DTNBP1: variants seen among roughly 807,000 people sequenced by gnomAD.
DTNBP1 encodes the protein dysbindin.
A neutral mutation model predicts 42.8 loss-of-function variants in DTNBP1; 35 were observed. The observed-to-expected ratio is 0.82, with a 90% CI of 0.63 to 1.09. The LOEUF (loss-of-function observed/expected upper bound fraction) is 1.09, where lower values mean the gene tolerates loss of function less well. Among genes scored for constraint, DTNBP1 ranks in the 50% least tolerant of loss-of-function variants. The pLI, the probability that DTNBP1 is intolerant of heterozygous loss-of-function variation, is 0.00. For missense variants in DTNBP1, 457 were observed against 424.2 expected, an observed-to-expected ratio of 1.08 and a Z score of -0.68; for synonymous variants, 171 against 162.2, an observed-to-expected ratio of 1.05 and a Z score of -0.41.
intron 8 of DTNBP1, 105 bp downstream of exon 8, chr6:15,533,133 CGG>C: frequency 4.5e-6 from 7 of 1,546,836 alleles, no homozygotes; most frequent in Non-Finnish European, 6.1e-6. Context: ...CATAACAGAA[CGG>C]AACTTCTGAG....
At chr6:15,543,076 T>C (rs945790638) in intron 7 of DTNBP1, among the ~76,000 whole-genome samples, 31 of 152,290 alleles carry the variant, frequency 2.0e-4, no homozygotes, top group Middle Eastern at 3.4e-3. Context: ...CATAAAAAAT[T>C]ATTTATTCCA....
chr6:15,601,567 G>A (rs1776728638), intron 6 of DTNBP1, among the ~76,000 whole-genome samples: 1 of 151,978 alleles, frequency 6.6e-6, no homozygotes, highest in Non-Finnish European at 1.5e-5. Context: ...TGACAATAAT[G>A]CACTTCTCTG....
At chr6:15,636,182 T>TG in intron 4 of DTNBP1, among the ~76,000 whole-genome samples, 1 of 81,126 alleles carries the variant, frequency 1.2e-5, no homozygotes. Flanking sequence ...TGAGACAGAG[T>TG]TTCTGTCACC....
At chr6:15,655,052 T>C (rs1245171012) in intron 1 of DTNBP1, among the ~76,000 whole-genome samples, 2 of 152,202 alleles carry the variant, frequency 1.3e-5, no homozygotes, top group Admixed American at 6.5e-5. Flanking sequence ...CTGAAAACTG[T>C]TGAATCTCAG....
chr6:15,603,637 T>C (rs558751893), intron 6 of DTNBP1, among the ~76,000 whole-genome samples: 1 of 152,366 alleles, frequency 6.6e-6, no homozygotes, highest in South Asian at 2.1e-4. Context: ...CTCTTGAGCT[T>C]TGTTTGTTAT....
At chr6:15,551,524 C>T (rs762732621) in intron 7 of DTNBP1, among the ~76,000 whole-genome samples, 3 of 152,156 alleles carry the variant, frequency 2.0e-5, no homozygotes, top group Non-Finnish European at 4.4e-5. Context: ...TTGCCTTGAC[C>T]CTTTGCTCAG....
chr6:15,523,593 C>T (rs146124716), intron 9 of DTNBP1: 1 of 1,278,324 alleles, frequency 7.8e-7, no homozygotes, highest in African/African-American at 1.6e-5. Context: ...TGCAGTAATT[C>T]AGAGACACCA....
At chr6:15,572,602 T>C (rs922852814) in intron 7 of DTNBP1, among the ~76,000 whole-genome samples, 1 of 152,222 alleles carries the variant, frequency 6.6e-6, no homozygotes, top group African/African-American at 2.4e-5. Context: ...ATGCAGTCTT[T>C]AAAGCAATTC....
chr6:15,583,368 T>C (rs894196276), intron 7 of DTNBP1, among the ~76,000 whole-genome samples: 1 of 152,328 alleles, frequency 6.6e-6, no homozygotes, highest in South Asian at 2.1e-4. Context: ...CTCAGCTCAG[T>C]TGGCCACTTG....
intron 7 of DTNBP1, 111 bp downstream of exon 7, chr6:15,592,948 T>G (rs1270060504): frequency 8.9e-7 from 1 of 1,118,764 alleles, no homozygotes; most frequent in Admixed American, 2.7e-5. Flanking sequence ...TAAGTTTTAC[T>G]GTTTTATGTA....
chr6:15,527,071 TAAG>T (rs753367960), intron 8 of DTNBP1, among the ~76,000 whole-genome samples: 281 of 151,638 alleles, frequency 1.9e-3, no homozygotes, highest in Non-Finnish European at 2.1e-3. Flanking sequence ...AACAAATAAT[TAAG>T]AAGAAAGCTG....
At chr6:15,645,100 C>G (rs954238381) in intron 3 of DTNBP1, among the ~76,000 whole-genome samples, 6 of 151,822 alleles carry the variant, frequency 4.0e-5, no homozygotes, top group African/African-American at 1.4e-4. Flanking sequence ...AAAGTGACAT[C>G]ATAACTGACA....
At chr6:15,566,361 T>C (rs1376912130) in intron 7 of DTNBP1, among the ~76,000 whole-genome samples, 7 of 149,182 alleles carry the variant, frequency 4.7e-5, no homozygotes, top group Admixed American at 2.0e-4. Flanking sequence ...AATGATTGAA[T>C]GGATCCACCT....
At chr6:15,631,885 A>G (rs757330392) in intron 4 of DTNBP1, among the ~76,000 whole-genome samples, 2 of 152,198 alleles carry the variant, frequency 1.3e-5, no homozygotes, top group Non-Finnish European at 2.9e-5. Flanking sequence ...CCCAAGTTCT[A>G]GTTGTTTATC....
intron 8 of DTNBP1, among the ~76,000 whole-genome samples, chr6:15,526,397 T>A (rs1772394673): frequency 6.6e-6 from 1 of 152,210 alleles, no homozygotes; most frequent in Non-Finnish European, 1.5e-5. Flanking sequence ...GACGTGAGAT[T>A]GCGGCTTCAT....
intron 6 of DTNBP1, among the ~76,000 whole-genome samples, chr6:15,596,331 C>A (rs910986556): frequency 6.6e-6 from 1 of 152,130 alleles, no homozygotes; most frequent in Non-Finnish European, 1.5e-5. Flanking sequence ...TCCCCTTCAG[C>A]CTACTCGAGG....
At chr6:15,553,756 T>C (rs1368739795) in intron 7 of DTNBP1, among the ~76,000 whole-genome samples, 1 of 152,094 alleles carries the variant, frequency 6.6e-6, no homozygotes, top group Non-Finnish European at 1.5e-5. Context: ...CTTTTATTTA[T>C]GATTTTGGGT....
intron 8 of DTNBP1, among the ~76,000 whole-genome samples, chr6:15,530,646 G>A (rs62396142): frequency 0.038 from 5,853 of 152,070 alleles, 157 homozygotes; most frequent in Admixed American, 0.074. Flanking sequence ...CCGGCCACGC[G>A]TCTACTACTT....
chr6:15,550,493 G>C (rs1265580693), intron 7 of DTNBP1, among the ~76,000 whole-genome samples: 1 of 152,058 alleles, frequency 6.6e-6, no homozygotes, highest in Admixed American at 6.5e-5. Context: ...GAGTTCAAAG[G>C]CCTCTTGTTA....
Sources: gnomAD v4.1 joint callset for allele counts (sites outside exome capture counted in the v4.1 genomes callset) on GRCh38, gnomAD v4.1.1 for gene constraint, MANE v1.5 for transcripts, NCBI Gene and HGNC (gene_info 2026-07-23, HGNC 2026-07-21) for gene names.